Variants in CCDC69 observed in about 807,000 individuals in gnomAD.
The protein encoded by CCDC69 is coiled-coil domain containing 69.
CCDC69 carries 38 observed loss-of-function variants against 40.3 expected under a neutral mutation model. The observed-to-expected ratio is 0.94, with a 90% CI of 0.73 to 1.24. CCDC69 has a LOEUF of 1.24. Ranked by LOEUF, CCDC69 falls within the 50% of genes most tolerant of loss-of-function variation. The pLI is 0.00. For missense variants in CCDC69, 389 were observed against 357.9 expected (o/e 1.09, Z -0.70); for synonymous variants, 141 against 138.9 (o/e 1.02, Z -0.11).
At chr5:151,220,278 C>T (rs1030659166) in intron 1 of CCDC69, among the ~76,000 whole-genome samples, 2 of 152,170 alleles carry the variant, frequency 1.3e-5, no homozygotes, top group African/African-American at 2.4e-5. Flanking sequence ...CTGTCACATA[C>T]AGTCTTTCAT....
rs765903180 is a variant in CCDC69, at chr5:151,201,630, G to T, written c.183C>A (p.Thr61=). 4 of 1,613,532 alleles carry T rather than the reference G, an allele frequency of 2.5e-6. No individual in the cohort carries two copies. The highest frequency in any genetic ancestry group is 3.4e-6 in the Non-Finnish European group (4 of 1,179,728). Residue 61 remains threonine (T), a synonymous_variant, in exon 3 of 9, where the codon ACC becomes ACA. Transcript: ENST00000355417. ...CCTCCTCATGTTGCTGGAGAATTCT[G>T]GTTATATCCTTCTGGTGCCGCTCAG... ...EEAERHQKDI[T]RILQQHEEEK... is the part of the protein sequence containing the mutation.
At chr5:151,221,636 T>C (rs987527286) in intron 1 of CCDC69, among the ~76,000 whole-genome samples, 3 of 152,244 alleles carry the variant, frequency 2.0e-5, no homozygotes, top group African/African-American at 7.2e-5. Context: ...GGACCCATCG[T>C]TCCTCACTGA....
At chr5:151,203,587 T>C (rs1752806596) in intron 2 of CCDC69, among the ~76,000 whole-genome samples, 1 of 142,574 alleles carries the variant, frequency 7.0e-6, no homozygotes, top group Admixed American at 7.1e-5. Context: ...AGTAAATATA[T>C]ATATTTATAT....
chr5:151,220,001 C>A, intron 1 of CCDC69, among the ~76,000 whole-genome samples: 1 of 152,058 alleles, frequency 6.6e-6, no homozygotes, highest in East Asian at 1.9e-4. Flanking sequence ...ACTGTGCTGC[C>A]TTCTGGAACA....
chr5:151,197,537 A>ACAAG (rs1752716910), intron 4 of CCDC69, among the ~76,000 whole-genome samples: 1 of 152,054 alleles, frequency 6.6e-6, no homozygotes, highest in Non-Finnish European at 1.5e-5. Flanking sequence ...AAACAAACAA[A>ACAAG]CAAAACAAAA....
At chr5:151,220,803 G>A (rs1753124421) in intron 1 of CCDC69, among the ~76,000 whole-genome samples, 1 of 151,362 alleles carries the variant, frequency 6.6e-6, no homozygotes, top group Non-Finnish European at 1.5e-5. Context: ...CCCCCCCTCC[G>A]CTTCCTACCC....
rs967370563 is a variant in CCDC69, at chr5:151,183,245, C to T, written c.*192G>A. 14 of 735,258 alleles carry T rather than the reference C, an allele frequency of 1.9e-5. No homozygotes were observed. The Admixed American group carries it at 2.6e-4, about 14-fold the overall frequency. 45.5% of individuals were successfully genotyped at this position (735,258 alleles called of 1,614,324 possible). Reference sequence around the variant, plus strand: ...CTCAAGGGAAGACGCTTCTCGGGGCCTCCAAAACCCTGTGGGTGATTCCAT... The same window carrying T: ...CTCAAGGGAAGACGCTTCTCGGGGCTTCCAAAACCCTGTGGGTGATTCCAT... On this transcript the variant is annotated 3_prime_UTR_variant, in exon 9 of 9. Coordinates refer to ENST00000355417, the MANE Select transcript of CCDC69 (RefSeq NM_015621.3).
intron 2 of CCDC69, among the ~76,000 whole-genome samples, chr5:151,202,049 C>G (rs908361871): frequency 2.0e-5 from 3 of 152,076 alleles, no homozygotes; most frequent in African/African-American, 7.2e-5. Context: ...CCTGTTCTAC[C>G]CCATTTTTTA....
intron 4 of CCDC69, among the ~76,000 whole-genome samples, chr5:151,197,905 A>G (rs1433832370): frequency 6.6e-6 from 1 of 152,246 alleles, no homozygotes; most frequent in Non-Finnish European, 1.5e-5. Context: ...AACTCTTGGT[A>G]TAGAAGAGTT....
At chr5:151,205,611 T>C (rs896917720) in intron 1 of CCDC69, 136 bp from the exon 2 acceptor site, 7 of 714,102 alleles carry the variant, frequency 9.8e-6, no homozygotes, top group Non-Finnish European at 1.7e-5. Context: ...CGCCTGCGCA[T>C]TGGGCTGCCT....
intron 7 of CCDC69, 147 bp downstream of exon 7, chr5:151,185,275 C>T (rs1227907695): frequency 4.7e-5 from 38 of 803,754 alleles, no homozygotes; most frequent in Non-Finnish European, 5.8e-5. Flanking sequence ...AGACCATGCT[C>T]AGTGGTCAGC....
chr5:151,223,150 C>A (rs1176633458), intron 1 of CCDC69, among the ~76,000 whole-genome samples: 1 of 152,204 alleles, frequency 6.6e-6, no homozygotes, highest in Admixed American at 6.5e-5. Flanking sequence ...CAGGCTCTGA[C>A]CTTCTGGGCT....
intron 1 of CCDC69, among the ~76,000 whole-genome samples, chr5:151,213,105 A>C (rs1433795137): frequency 6.6e-6 from 1 of 152,196 alleles, no homozygotes; most frequent in African/African-American, 2.4e-5. Flanking sequence ...TATCTACTAC[A>C]TGGCATGTAA....
At chr5:151,207,002 T>G (rs902356592) in intron 1 of CCDC69, among the ~76,000 whole-genome samples, 2 of 152,162 alleles carry the variant, frequency 1.3e-5, no homozygotes, top group African/African-American at 4.8e-5. Context: ...TCTGGCTCAC[T>G]GCAACCTCCA....
Position 151,183,553 on chromosome 5 carries a change from G to A in CCDC69, c.775C>T (p.Arg259Ter), listed in dbSNP as rs149026271. 125 of 1,611,586 alleles carry A rather than the reference G, an allele frequency of 7.8e-5. 3 individuals carry two copies. The African/African-American group carries it at 7.9e-4, about 10-fold the overall frequency. The change falls in exon 9 of 9, where the codon CGA becomes TGA. Residue 259 changes from arginine (R) to a stop codon, truncating the protein, a stop_gained. Coordinates refer to ENST00000355417, the MANE Select transcript of CCDC69 (RefSeq NM_015621.3). LOFTEE classifies it high-confidence loss of function. ...TCCTCCTTCTCCTGCTGGAGCTGTCGCCGCAGCTGCACCTCCTTCTCCAGG... is the reference window on the plus strand; with the variant it reads ...TCCTCCTTCTCCTGCTGGAGCTGTCACCGCAGCTGCACCTCCTTCTCCAGG... ...EALEKEVQLRRQLQQEKEELL... is the reference protein window; with the variant it reads ...EALEKEVQLR
At chr5:151,192,111 G>GAAA (rs1752621799) in intron 4 of CCDC69, among the ~76,000 whole-genome samples, 7 of 79,726 alleles carry the variant, frequency 8.8e-5, no homozygotes, top group South Asian at 4.0e-4. Context: ...AAAAAAGAAT[G>GAAA]AAAAGAAATA....
intron 4 of CCDC69, among the ~76,000 whole-genome samples, chr5:151,193,323 T>C (rs1228615433): frequency 7.2e-5 from 8 of 110,490 alleles, no homozygotes; most frequent in Admixed American, 1.2e-4. Flanking sequence ...CTGGGCAACA[T>C]GGCAAAAACT....
intron 1 of CCDC69, among the ~76,000 whole-genome samples, chr5:151,214,261 G>A (rs1753000261): frequency 6.6e-6 from 1 of 152,208 alleles, no homozygotes; most frequent in Admixed American, 6.5e-5. Flanking sequence ...AGCACCACTA[G>A]TGCTGGGATC....
chr5:151,189,346 A>T (rs376522129), intron 4 of CCDC69, among the ~76,000 whole-genome samples: 14 of 152,236 alleles, frequency 9.2e-5, no homozygotes, highest in African/African-American at 3.4e-4. Flanking sequence ...TGAAATAAAA[A>T]CTCACTAGGT....
Sources: gnomAD v4.1 joint callset for allele counts (sites outside exome capture counted in the v4.1 genomes callset) on GRCh38, gnomAD v4.1.1 for gene constraint, MANE v1.5 for transcripts, NCBI Gene and HGNC (gene_info 2026-07-23, HGNC 2026-07-21) for gene names.